FIG4: variants seen among roughly 807,000 people sequenced by gnomAD.
FIG4 encodes FIG4 phosphoinositide 5-phosphatase.
In FIG4, 112 loss-of-function variants were observed where a neutral mutation model predicts 118.6. The ratio of observed to expected loss-of-function variants is 0.94; its 90% CI spans 0.81 to 1.11. The LOEUF (loss-of-function observed/expected upper bound fraction) is 1.11. FIG4 is among the 50% of genes least tolerant of loss of function. The pLI is 0.00. For missense variants in FIG4, 969 were observed against 1,111.7 expected (o/e 0.87, Z 1.83); for synonymous variants, 369 against 381.2 (o/e 0.97, Z 0.37).
intron 16 of FIG4, among the ~76,000 whole-genome samples, chr6:109,783,399 G>T (rs1777861485): frequency 6.6e-6 from 1 of 152,132 alleles, no homozygotes; most frequent in Non-Finnish European, 1.5e-5. Context: ...CAGCTACACC[G>T]GGACACTAGC....
At chr6:109,715,928 TA>T (rs1338728709) in intron 2 of FIG4, among the ~76,000 whole-genome samples, 1 of 152,220 alleles carries the variant, frequency 6.6e-6, no homozygotes, top group African/African-American at 2.4e-5. Context: ...TGTGTTGTAA[TA>T]ATTTTAGATA....
At chr6:109,703,239 C>A (rs1774958245) in intron 1 of FIG4, among the ~76,000 whole-genome samples, 1 of 152,188 alleles carries the variant, frequency 6.6e-6, no homozygotes, top group South Asian at 2.1e-4. Context: ...CTTCCACCTT[C>A]CAGCATTGTT....
intron 6 of FIG4, among the ~76,000 whole-genome samples, chr6:109,737,289 A>G (rs1269641325): frequency 2.6e-5 from 4 of 152,188 alleles, no homozygotes; most frequent in African/African-American, 7.2e-5. Context: ...TCTTTACTGC[A>G]TGTCAGGTAC....
chr6:109,747,534 G>C (rs1327644067), intron 10 of FIG4, among the ~76,000 whole-genome samples: 2 of 152,162 alleles, frequency 1.3e-5, no homozygotes, highest in Non-Finnish European at 2.9e-5. Flanking sequence ...TAGCATCATG[G>C]AGGGCACTGA....
intron 16 of FIG4, among the ~76,000 whole-genome samples, chr6:109,779,824 T>G (rs965551011): frequency 1.3e-5 from 2 of 152,158 alleles, no homozygotes; most frequent in Non-Finnish European, 2.9e-5. Flanking sequence ...AGCACAGAGC[T>G]CAGGCTCACG....
At chr6:109,813,931 G>A (rs752881947) in intron 22 of FIG4, among the ~76,000 whole-genome samples, 3 of 152,298 alleles carry the variant, frequency 2.0e-5, no homozygotes, top group Admixed American at 6.5e-5. Flanking sequence ...GACAGTAGCT[G>A]TAATCAACAG....
At chr6:109,741,648 G>A in intron 8 of FIG4, 104 bp downstream of exon 8, 1 of 820,554 alleles carries the variant, frequency 1.2e-6, no homozygotes, top group African/African-American at 1.7e-5. Flanking sequence ...TCTTAGTTTG[G>A]GATATTATCA....
rs80217530 is a variant in FIG4, at chr6:109,691,974, T to C, written c.66+473T>C. On this transcript the variant is annotated intron_variant, in intron 1 of 22. Transcript: ENST00000230124. The stretch of plus-strand genomic sequence containing the variant: ...GAATTACACTTCTATTGGTGAACTT[T>C]TTGGTTCTCTTTTTTTCTTATTTGA... Among the ~76,000 whole-genome samples the C allele has an allele frequency of 3.3e-5, 5 of 152,388 alleles. No homozygotes were observed. The East Asian group carries it at 9.6e-4, about 29-fold the overall frequency.
chr6:109,785,815 T>C (rs1777936602), intron 17 of FIG4: 1 of 425,432 alleles, frequency 2.4e-6, no homozygotes, highest in Non-Finnish European at 5.0e-6. Context: ...TATAAATTCA[T>C]TTTGGAAGGT....
chr6:109,820,493 G>A (rs1011552930), intron 22 of FIG4, among the ~76,000 whole-genome samples: 15 of 152,020 alleles, frequency 9.9e-5, no homozygotes, highest in Non-Finnish European at 5.9e-5. Context: ...GAACAGGTCC[G>A]GCAAGAGTAG....
In FIG4 at chr6:109,735,134, T is replaced by G; in HGVS notation, c.498-16T>G. 6.2e-7 allele frequency: 1 copy of G among 1,609,090 alleles called. No individual in the cohort carries two copies. Among genetic ancestry groups the G allele is most frequent in the Non-Finnish European group, 8.5e-7 (1 of 1,175,878 alleles). On this transcript the variant is annotated splice_polypyrimidine_tract_variant and intron_variant, in intron 5 of 22. Transcript: ENST00000230124. ...TTGCTTTTGTAATTCTTATTAAGTTTCAATTCTGTTCTCAGTTACAGCTAT... is the reference window on the plus strand; with the variant it reads ...TTGCTTTTGTAATTCTTATTAAGTTGCAATTCTGTTCTCAGTTACAGCTAT...
At position 109,774,799 on chromosome 6, in the gene FIG4, T is replaced by C. The variant is rs184778715; in HGVS notation, c.1751-2123T>C. Among the ~76,000 whole-genome samples, 279 of 152,298 alleles carry C rather than the reference T, an allele frequency of 1.8e-3. 3 individuals carry two copies. Among genetic ancestry groups the C allele is most frequent in the East Asian group, 8.9e-3 (46 of 5,184 alleles). On this transcript the variant is annotated intron_variant, in intron 15 of 22. Transcript: ENST00000230124. ...GTGTCTTTCCTACATTTAGTTGGTATTTATTTCAATGTCTGATGTGAGGTA... is the reference window on the plus strand; with the variant it reads ...GTGTCTTTCCTACATTTAGTTGGTACTTATTTCAATGTCTGATGTGAGGTA...
At chr6:109,802,812 A>C (rs1380105002) in intron 22 of FIG4, among the ~76,000 whole-genome samples, 1 of 152,242 alleles carries the variant, frequency 6.6e-6, no homozygotes, top group Non-Finnish European at 1.5e-5. Flanking sequence ...ATAGGCTTCC[A>C]TTATTTCCAG....
intron 22 of FIG4, among the ~76,000 whole-genome samples, chr6:109,800,416 A>G (rs1246896229): frequency 6.6e-6 from 1 of 152,152 alleles, no homozygotes; most frequent in Non-Finnish European, 1.5e-5. Context: ...AGTACCTAGC[A>G]TACTGTCCCT....
intron 1 of FIG4, among the ~76,000 whole-genome samples, chr6:109,702,529 T>C (rs1774936477): frequency 6.6e-6 from 1 of 152,156 alleles, no homozygotes; most frequent in South Asian, 2.1e-4. Context: ...CCAGCATATC[T>C]ACAAATACAC....
rs1775430400 is a variant in FIG4, at chr6:109,716,381, G to A, written c.166-64G>A. 2.5e-6 allele frequency: 4 copies of A among 1,573,576 alleles called. No individual in the cohort carries two copies. The South Asian group carries it at 4.5e-5, about 18-fold the overall frequency. ...TTGTAGGTAACTTTTTAACTTTCAG[G>A]CACAAATAATAAATAATCTAAAGTT... is the stretch of plus-strand genomic sequence containing the variant. On this transcript the variant is annotated intron_variant, in intron 2 of 22. Coordinates refer to ENST00000230124, the MANE Select transcript of FIG4 (RefSeq NM_014845.6).
In FIG4 at chr6:109,764,999, G is replaced by A; in HGVS notation, c.1435-14G>A. On this transcript the variant is annotated splice_polypyrimidine_tract_variant and intron_variant, in intron 13 of 22. Transcript: ENST00000230124. ...TGGAATAATGATTGAAAATCTTAAGGTATTTCTCTTTAGACTGGCATCCTT... is the reference window on the plus strand; with the variant it reads ...TGGAATAATGATTGAAAATCTTAAGATATTTCTCTTTAGACTGGCATCCTT... 6.2e-7 allele frequency: 1 copy of A among 1,610,632 alleles called. No individual in the cohort carries two copies. The highest frequency in any genetic ancestry group is 8.5e-7 in the Non-Finnish European group (1 of 1,176,960).
intron 14 of FIG4, among the ~76,000 whole-genome samples, chr6:109,765,916 G>A (rs1251161266): frequency 6.6e-6 from 1 of 152,182 alleles, no homozygotes; most frequent in Admixed American, 6.5e-5. Flanking sequence ...AGATATCACT[G>A]CACTGGAAAT....
intron 6 of FIG4, 116 bp from the exon 7 acceptor site, chr6:109,738,209 C>A (rs1776216144): frequency 1.1e-6 from 1 of 872,186 alleles, no homozygotes; most frequent in Non-Finnish European, 1.9e-6. Context: ...CAGAAGTTAA[C>A]TTAAAAATGA....
Sources: gnomAD v4.1 joint callset for allele counts (sites outside exome capture counted in the v4.1 genomes callset) on GRCh38, gnomAD v4.1.1 for gene constraint, MANE v1.5 for transcripts, NCBI Gene and HGNC (gene_info 2026-07-23, HGNC 2026-07-21) for gene names.